ARID2: variants seen among roughly 807,000 people sequenced by gnomAD.
ARID2 encodes AT-rich interactive domain-containing protein 2.
Under a neutral mutation model 184.6 loss-of-function variants are expected in ARID2, and 32 were observed. The observed-to-expected ratio is 0.17, with a 90% CI of 0.13 to 0.23. The LOEUF is 0.23. Ranked by LOEUF, ARID2 falls within the 10% of genes least tolerant of loss-of-function variation. ARID2 has a pLI of 1.00. For synonymous variants in ARID2, 836 were observed against 772.6 expected (o/e 1.08, Z -1.36); for missense variants, 1,696 against 2,197.6 (o/e 0.77, Z 4.56).
intron 3 of ARID2, among the ~76,000 whole-genome samples, chr12:45,734,807 T>C (rs1363379856): frequency 1.3e-5 from 2 of 152,208 alleles, no homozygotes; most frequent in African/African-American, 2.4e-5. Flanking sequence ...ATTTGAAGTT[T>C]TGGTATGAAG....
intron 3 of ARID2, among the ~76,000 whole-genome samples, chr12:45,796,844 A>G (rs1942400831): frequency 6.6e-6 from 1 of 152,222 alleles, no homozygotes; most frequent in Non-Finnish European, 1.5e-5. Flanking sequence ...TGGTAGGAGA[A>G]AGATCTCTGA....
chr12:45,867,517 C>T (rs1413224116), intron 16 of ARID2, among the ~76,000 whole-genome samples: 4 of 149,988 alleles, frequency 2.7e-5, no homozygotes, highest in South Asian at 2.2e-4. Flanking sequence ...CCGAGGCGGG[C>T]TGATCGTGAG....
chr12:45,730,178 T>G (rs768197665), intron 2 of ARID2, 41 bp downstream of exon 2: 2 of 1,599,144 alleles, frequency 1.3e-6, no homozygotes, highest in African/African-American at 1.3e-5. Flanking sequence ...CTCGCTGGCC[T>G]CCTCCAAAAA....
intron 3 of ARID2, among the ~76,000 whole-genome samples, chr12:45,770,692 G>A (rs1270812444): frequency 1.3e-5 from 2 of 152,212 alleles, no homozygotes; most frequent in Non-Finnish European, 2.9e-5. Context: ...GAATAGGGGA[G>A]TGTGTGCTGA....
intron 5 of ARID2, among the ~76,000 whole-genome samples, chr12:45,820,467 T>TA (rs1288789275): frequency 6.6e-6 from 1 of 152,208 alleles, no homozygotes; most frequent in Non-Finnish European, 1.5e-5. Flanking sequence ...ACCCACTTGT[T>TA]ATGCTTGTCA....
intron 20 of ARID2, among the ~76,000 whole-genome samples, chr12:45,899,670 G>T (rs1466709719): frequency 5.8e-5 from 1 of 17,160 alleles, no homozygotes; most frequent in Non-Finnish European, 1.9e-4. Context: ...TATATATATG[G>T]TTATATATGG....
At chr12:45,829,494 T>C (rs1047031698) in intron 6 of ARID2, among the ~76,000 whole-genome samples, 1 of 152,004 alleles carries the variant, frequency 6.6e-6, no homozygotes, top group African/African-American at 2.4e-5. Context: ...CCCTTCTGAG[T>C]ATGTGTTTTT....
At position 45,851,568 on chromosome 12, in the gene ARID2, C is replaced by A. The variant is rs1943550940; in HGVS notation, c.3445C>A (p.Gln1149Lys). 6.2e-7 allele frequency: 1 copy of A among 1,614,144 alleles called. No homozygotes were observed. The highest frequency in any genetic ancestry group is 8.5e-7 in the Non-Finnish European group (1 of 1,179,994). The change falls in exon 15 of 21, where the codon CAA becomes AAA. Residue 1149 changes from glutamine (Q) to lysine (K), a missense_variant. Physicochemically the swap from Gln to Lys is moderately conservative, Grantham distance 53. Coordinates refer to ENST00000334344, the MANE Select transcript of ARID2 (RefSeq NM_152641.4). ...ACAAACTGTGCCCATTTCGAACTTA[C>A]AAATATTGCCAGGTCCACTGATCTC... ...GVQTVPISNL[Q>K]ILPGPLISNS...
chr12:45,890,392 TTCTG>T (rs1430969000), intron 16 of ARID2, among the ~76,000 whole-genome samples: 6 of 152,246 alleles, frequency 3.9e-5, no homozygotes, highest in African/African-American at 4.8e-5. Flanking sequence ...GGGTTTTGGT[TTCTG>T]TGTATATGTG....
Position 45,850,323 on chromosome 12 carries a change from G to A in ARID2, c.2200G>A (p.Val734Ile), listed in dbSNP as rs762519006. ...GACAGGAGTTCCTGTTAGTATTGCT[G>A]TTGGAGGAGGACCTCCACAGAGTTC... is the stretch of plus-strand genomic sequence containing the variant. ...PQTGVPVSIA[V>I]GGGPPQSSVV... Residue 734 changes from valine (V) to isoleucine (I), a missense_variant, in exon 15 of 21, where the codon GTT becomes ATT. By Grantham distance (29) the Val-to-Ile change is conservative (BLOSUM62 3). Around this residue, in one of 11 missense-constraint regions of ARID2, gnomAD observed 713 missense variants for 824.4 expected, o/e 0.86. Transcript: ENST00000334344. 5.0e-6 allele frequency: 8 copies of A among 1,614,090 alleles called. No homozygotes were observed. In the Admixed American group the frequency reaches 1.3e-4, roughly 27 times the overall value.
chr12:45,742,553 A>G (rs985172189), intron 3 of ARID2, among the ~76,000 whole-genome samples: 2 of 152,310 alleles, frequency 1.3e-5, no homozygotes, highest in African/African-American at 4.8e-5. Flanking sequence ...TTAAAAATAT[A>G]TATTTTGCCT....
At chr12:45,811,604 A>T in intron 4 of ARID2, 53 bp downstream of exon 4, 1 of 1,585,022 alleles carries the variant, frequency 6.3e-7, no homozygotes, top group Non-Finnish European at 8.6e-7. Flanking sequence ...TGAATTAGGA[A>T]AATAGACATC....
intron 20 of ARID2, among the ~76,000 whole-genome samples, chr12:45,902,952 T>C (rs1369036536): frequency 1.3e-5 from 2 of 152,198 alleles, no homozygotes; most frequent in African/African-American, 2.4e-5. Context: ...AGTGTAAAGT[T>C]CAGTGAATTA....
intron 11 of ARID2, among the ~76,000 whole-genome samples, chr12:45,843,286 T>TTTAGCTATTGCCTGC (rs1943384888): frequency 6.6e-6 from 1 of 150,454 alleles, no homozygotes; most frequent in African/African-American, 2.5e-5. Flanking sequence ...AAACCTTAGG[T>TTTAGCTATTGCCTGC]ACATCAGAAT....
Position 45,838,540 on chromosome 12 carries a change from G to A in ARID2, c.1331-789G>A, listed in dbSNP as rs565260395. Reference sequence around the variant, plus strand: ...CCCAGCACTTTGGGAGGCCAAGGCAGGAAAATCACCTGAGCACAGTTCAAG... The same window carrying A: ...CCCAGCACTTTGGGAGGCCAAGGCAAGAAAATCACCTGAGCACAGTTCAAG... On this transcript the variant is annotated intron_variant, in intron 10 of 20. Coordinates refer to ENST00000334344, the MANE Select transcript of ARID2 (RefSeq NM_152641.4). 3.3e-5 allele frequency among the ~76,000 whole-genome samples: 5 copies of A among 152,224 alleles called. No individual in the cohort carries two copies. In the East Asian group the frequency reaches 9.7e-4, roughly 29 times the overall value.
intron 3 of ARID2, among the ~76,000 whole-genome samples, chr12:45,771,317 C>A (rs1224636765): frequency 6.8e-6 from 1 of 147,430 alleles, no homozygotes; most frequent in Non-Finnish European, 1.5e-5. Context: ...GAGATCGTGC[C>A]ACTGCACTCC....
intron 11 of ARID2, among the ~76,000 whole-genome samples, chr12:45,843,090 A>G (rs1341641920): frequency 6.6e-6 from 1 of 152,134 alleles, no homozygotes; most frequent in Non-Finnish European, 1.5e-5. Flanking sequence ...AAATCAAAGA[A>G]TTAGCAAGTA....
chr12:45,842,108 A>C (rs974845243), intron 11 of ARID2: 8 of 151,122 alleles, frequency 5.3e-5, no homozygotes, highest in African/African-American at 1.7e-4. Flanking sequence ...TCAGGAAAAA[A>C]ATTAGCTGAG....
rs2138169583 is a variant in ARID2, at chr12:45,851,273, T to G, written c.3150T>G (p.Gly1050=). 6.2e-7 allele frequency: 1 copy of G among 1,614,146 alleles called. No individual in the cohort carries two copies. Among genetic ancestry groups the G allele is most frequent in the Non-Finnish European group, 8.5e-7 (1 of 1,180,004 alleles). The change falls in exon 15 of 21, where the codon GGT becomes GGG. Residue 1050 remains glycine, a synonymous_variant. Coordinates refer to ENST00000334344, the MANE Select transcript of ARID2 (RefSeq NM_152641.4). ...VQPQQSNAGV[G]QPASGESSLI... ...CTCAACAGTCGAATGCAGGAGTTGGTCAGCCTGCCTCTGGTGAGTCGAGTC... is the reference window on the plus strand; with the variant it reads ...CTCAACAGTCGAATGCAGGAGTTGGGCAGCCTGCCTCTGGTGAGTCGAGTC...
Sources: gnomAD v4.1 joint callset for allele counts (sites outside exome capture counted in the v4.1 genomes callset) on GRCh38, gnomAD v4.1.1 for gene constraint, gnomAD v4.1.1 regional missense constraint, MANE v1.5 for transcripts, NCBI Gene and HGNC (gene_info 2026-07-23, HGNC 2026-07-21) for gene names.